CHN1: variants seen among roughly 807,000 people sequenced by gnomAD.
The protein encoded by CHN1 is chimerin 1, also known as N-chimaerin.
A neutral mutation model predicts 59.5 loss-of-function variants in CHN1; 37 were observed. The observed-to-expected ratio is 0.62, with a 90% CI of 0.48 to 0.82. The LOEUF (loss-of-function observed/expected upper bound fraction) is 0.82, where lower values mean the gene tolerates loss of function less well. Ranked by LOEUF, CHN1 falls within the 40% of genes least tolerant of loss-of-function variation. The pLI is 0.00. For missense variants in CHN1, 469 were observed against 571.0 expected (o/e 0.82, Z 1.82); for synonymous variants, 206 against 200.4 (o/e 1.03, Z -0.24).
intron 1 of CHN1, among the ~76,000 whole-genome samples, chr2:174,957,980 T>C (rs1456932504): frequency 1.3e-5 from 2 of 152,056 alleles, no homozygotes; most frequent in Non-Finnish European, 2.9e-5. Context: ...GCTTCTCTGG[T>C]TGGAAATATC....
At chr2:174,846,535 T>C (rs1686522276) in intron 7 of CHN1, 1 of 1,322,226 alleles carries the variant, frequency 7.6e-7, no homozygotes, top group African/African-American at 1.5e-5. Context: ...AATCCTCTCA[T>C]AAAATCTCCA....
chr2:174,848,152 G>A (rs2105437910), intron 6 of CHN1, among the ~76,000 whole-genome samples: 1 of 152,284 alleles, frequency 6.6e-6, no homozygotes, highest in South Asian at 2.1e-4. Context: ...TTTGTATTAT[G>A]AGTAGTTTTG....
At chr2:174,894,733 T>C (rs1688158520) in intron 5 of CHN1, among the ~76,000 whole-genome samples, 1 of 152,146 alleles carries the variant, frequency 6.6e-6, no homozygotes, top group South Asian at 2.1e-4. Context: ...CGTCTATTGA[T>C]GGATGAGTGG....
intron 3 of CHN1, among the ~76,000 whole-genome samples, chr2:174,940,441 A>AAT (rs919021987): frequency 2.6e-5 from 4 of 152,070 alleles, no homozygotes; most frequent in African/African-American, 9.7e-5. Flanking sequence ...ATAGCTTTAC[A>AAT]ATATATATAT....
chr2:174,918,018 T>C (rs1351034313), intron 4 of CHN1, among the ~76,000 whole-genome samples: 4 of 152,148 alleles, frequency 2.6e-5, no homozygotes, highest in African/African-American at 9.6e-5. Context: ...TATCTCAATT[T>C]GGTTCAAATC....
chr2:174,837,449 G>A (rs1686126598), intron 7 of CHN1: 1 of 152,220 alleles, frequency 6.6e-6, no homozygotes, highest in South Asian at 2.1e-4. Flanking sequence ...ATCACCTAAT[G>A]TGACAACAAG....
intron 6 of CHN1, among the ~76,000 whole-genome samples, chr2:174,850,854 A>G (rs939235668): frequency 6.6e-6 from 1 of 152,206 alleles, no homozygotes. Flanking sequence ...GATACTCAGT[A>G]TTGTTAAGGA....
rs149594425 is a variant in CHN1, at chr2:174,880,008, G to A, written c.261-1880C>T. Among the ~76,000 whole-genome samples the A allele has an allele frequency of 2.3e-3, 350 of 152,202 alleles. 2 individuals are homozygous for A. Among genetic ancestry groups the A allele is most frequent in the African/African-American group, 8.1e-3 (337 of 41,530 alleles). On this transcript the variant is annotated intron_variant, in intron 5 of 12. Coordinates refer to ENST00000409900, the MANE Select transcript of CHN1 (RefSeq NM_001822.7). ...AACTTCCTAGTTCTTTCCAATGGAC[G>A]ATGCCTAATTCATCCAAGAAGAGGC...
At chr2:174,875,697 T>G in intron 6 of CHN1, 1 of 484,538 alleles carries the variant, frequency 2.1e-6, no homozygotes. Flanking sequence ...CAAGAGGGGT[T>G]TTAGCTATTA....
chr2:174,938,542 G>A (rs1689566553), intron 3 of CHN1, among the ~76,000 whole-genome samples: 1 of 152,008 alleles, frequency 6.6e-6, no homozygotes, highest in Non-Finnish European at 1.5e-5. Flanking sequence ...CTGTCATTTA[G>A]TTATCACCTG....
At chr2:174,975,659 A>C (rs10209357) in intron 1 of CHN1, among the ~76,000 whole-genome samples, 61,806 of 140,366 alleles carry the variant, frequency 0.44, 13,613 homozygotes, top group Admixed American at 0.51. Flanking sequence ...AACAAACAAA[A>C]AAAAAAAAAA....
intron 8 of CHN1, among the ~76,000 whole-genome samples, chr2:174,814,564 G>C (rs1685178599): frequency 1.3e-5 from 2 of 152,160 alleles, no homozygotes; most frequent in African/African-American, 4.8e-5. Context: ...TACCTCAGTT[G>C]TGTAAAATGG....
At chr2:174,949,732 AATCTT>A (rs1340229229) in intron 2 of CHN1, among the ~76,000 whole-genome samples, 1 of 152,192 alleles carries the variant, frequency 6.6e-6, no homozygotes, top group East Asian at 1.9e-4. Context: ...TTAATATCAT[AATCTT>A]ATAAGAAAAT....
In CHN1 at chr2:174,808,948, T is replaced by C. The variant is rs1684990595; in HGVS notation, c.1059A>G (p.Pro353=). Residue 353 remains proline (P), a synonymous_variant, in exon 11 of 13, where the codon CCA becomes CCG. Transcript: ENST00000409900. The stretch of plus-strand genomic sequence containing the variant: ...TAGGGTAGGCATCATATGTAATGAG[T>C]GGAATTGGCAAATCCCTGAAGTACA... ...LKLYFRDLPI[P]LITYDAYPKF... is the part of the protein sequence containing the mutation. 5 of 1,613,622 alleles carry C rather than the reference T, an allele frequency of 3.1e-6. No homozygotes were observed. Among genetic ancestry groups the C allele is most frequent in the Non-Finnish European group, 4.2e-6 (5 of 1,179,756 alleles).
At chr2:174,949,672 T>A (rs2105410210) in intron 2 of CHN1, among the ~76,000 whole-genome samples, 1 of 152,302 alleles carries the variant, frequency 6.6e-6, no homozygotes, top group Non-Finnish European at 1.5e-5. Flanking sequence ...GGCTGCAATT[T>A]TTATGTTTCC....
chr2:174,861,407 A>G (rs1687064060), intron 6 of CHN1, among the ~76,000 whole-genome samples: 1 of 152,222 alleles, frequency 6.6e-6, no homozygotes, highest in African/African-American at 2.4e-5. Context: ...AGTAGATGCT[A>G]AATAAATGTT....
At chr2:174,979,519 T>G (rs548050576) in intron 1 of CHN1, among the ~76,000 whole-genome samples, 2 of 152,134 alleles carry the variant, frequency 1.3e-5, no homozygotes, top group Non-Finnish European at 2.9e-5. Flanking sequence ...AGGCAATATT[T>G]AAGATGTACA....
Position 174,861,058 on chromosome 2 carries a change from A to T in CHN1, c.550-14101T>A, listed in dbSNP as rs542718742. Among the ~76,000 whole-genome samples the T allele has an allele frequency of 1.8e-4, 27 of 152,306 alleles. 1 individual carries two copies. The highest frequency in any genetic ancestry group is 6.0e-4 in the African/African-American group (25 of 41,566). ...AAATTAAATTGTTTTAAATTTAAAA[A>T]TTTAAAATTTTTAAAATTCAGTGTT... On this transcript the variant is annotated intron_variant, in intron 6 of 12. Transcript: ENST00000409900.
chr2:174,934,450 C>T (rs1689439213), intron 3 of CHN1, among the ~76,000 whole-genome samples: 1 of 152,180 alleles, frequency 6.6e-6, no homozygotes, highest in African/African-American at 2.4e-5. Context: ...ACAGATGAAG[C>T]TTCACTTGCT....
Sources: allele counts gnomAD v4.1 joint callset (sites outside exome capture counted in the v4.1 genomes callset), GRCh38; gene constraint gnomAD v4.1.1; transcripts MANE v1.5; gene names NCBI Gene and HGNC (gene_info 2026-07-23, HGNC 2026-07-21).